KLHL29: variants seen among roughly 807,000 people sequenced by gnomAD.
The protein encoded by KLHL29 is kelch like family member 29, also known as kelch-like protein 29.
Under a neutral mutation model 80.4 loss-of-function variants are expected in KLHL29, and 21 were observed. That is an observed-to-expected ratio of 0.26 (90% CI 0.19 to 0.38). The LOEUF is 0.38. Ranked by LOEUF, KLHL29 falls within the 10% of genes least tolerant of loss-of-function variation. The pLI is 1.00. For missense variants in KLHL29, 867 were observed against 1,223.9 expected (o/e 0.71, Z 4.35); for synonymous variants, 511 against 526.8 (o/e 0.97, Z 0.41).
intron 2 of KLHL29, chr2:23,532,697 G>C (rs573649917): frequency 2.3e-4 from 103 of 455,652 alleles, no homozygotes; most frequent in Middle Eastern, 1.7e-3. Flanking sequence ...GGGTCAGCAT[G>C]GGGGTGGGTG....
Position 23,684,604 on chromosome 2 carries a change from T to G in KLHL29, c.1079+67T>G. 7.2e-7 allele frequency: 1 copy of G among 1,392,422 alleles called. No homozygotes were observed. The highest frequency in any genetic ancestry group is 9.6e-7 in the Non-Finnish European group (1 of 1,042,980). The allele number at this position is 1,392,422 out of a possible 1,614,324, so 86.3% of individuals were successfully genotyped here. A position where few individuals can be genotyped will look rare whatever the true frequency, so the allele number is the denominator to read the frequency against. ...AGGACGCTTTTGTGTCGCTTTTCTC[T>G]TCCCCTCTCTTGCAGGTTCCTGAAG... On this transcript the variant is annotated intron_variant, in intron 6 of 13. Transcript: ENST00000486442. This position sits in a 1 kb window ranked among gnomAD's most constrained non-coding sequence, Gnocchi z 4.4.
intron 5 of KLHL29, among the ~76,000 whole-genome samples, chr2:23,659,832 G>T (rs1334043305): frequency 6.6e-6 from 1 of 151,872 alleles, no homozygotes; most frequent in Non-Finnish European, 1.5e-5. Context: ...CACCCCTCAG[G>T]GTTCCCTGGG....
chr2:23,602,749 C>T (rs984779420), intron 3 of KLHL29, among the ~76,000 whole-genome samples: 2 of 151,960 alleles, frequency 1.3e-5, no homozygotes, highest in Non-Finnish European at 2.9e-5. Flanking sequence ...GCACCACTCC[C>T]GACCTCTACA....
chr2:23,440,024 G>C (rs1404134102), intron 1 of KLHL29, among the ~76,000 whole-genome samples: 4 of 150,994 alleles, frequency 2.6e-5, no homozygotes, highest in African/African-American at 9.8e-5. Context: ...ATTTAGGAGA[G>C]TTAGCTTTTC....
rs1028627870 is a variant in KLHL29, at chr2:23,684,906, C to G, written c.1079+369C>G. Among the ~76,000 whole-genome samples the G allele has an allele frequency of 2.0e-5, 3 of 152,344 alleles. No homozygotes were observed. Among genetic ancestry groups the G allele is most frequent in the African/African-American group, 7.2e-5 (3 of 41,582 alleles). On this transcript the variant is annotated intron_variant, in intron 6 of 13. Transcript: ENST00000486442. The surrounding 1 kb of genome is among the most constrained non-coding windows in gnomAD (Gnocchi z 4.4). ...CTCCATTTTAAGGGATCACTACACA[C>G]TGCCCCCACCGGGCCAGAGCAGGAT... is the stretch of plus-strand genomic sequence containing the variant.
Position 23,385,371 on chromosome 2 carries a change from C to A in KLHL29, c.-563C>A. 1 of 147,060 alleles carries A rather than the reference C, an allele frequency of 6.8e-6. No homozygotes were observed. The highest frequency in any genetic ancestry group is 1.8e-4 in the South Asian group (1 of 5,608). 9.1% of individuals were successfully genotyped at this position (147,060 alleles called of 1,614,324 possible). A position where few individuals can be genotyped will look rare whatever the true frequency, so the allele number is the denominator to read the frequency against. ...TTGAGCGCAGCCCCCGCCCGGAGCCCGAGCCGCGAGCCCGGAGCCAGCCCC... is the reference window on the plus strand; with the variant it reads ...TTGAGCGCAGCCCCCGCCCGGAGCCAGAGCCGCGAGCCCGGAGCCAGCCCC... On this transcript the variant is annotated 5_prime_UTR_variant, in exon 1 of 14. Coordinates refer to ENST00000486442, the MANE Select transcript of KLHL29 (RefSeq NM_052920.2).
chr2:23,656,767 G>A (rs868401823), intron 5 of KLHL29, among the ~76,000 whole-genome samples: 2 of 152,092 alleles, frequency 1.3e-5, no homozygotes, highest in African/African-American at 2.4e-5. Flanking sequence ...CACGGGGTGG[G>A]GCCTGCAGAG....
intron 2 of KLHL29, among the ~76,000 whole-genome samples, chr2:23,540,278 C>T (rs917333032): frequency 5.9e-5 from 9 of 152,238 alleles, no homozygotes; most frequent in Non-Finnish European, 1.3e-4. Context: ...AGCCACTAGC[C>T]AGTATTTGTA....
intron 8 of KLHL29, among the ~76,000 whole-genome samples, 179 bp downstream of exon 8, chr2:23,693,707 G>A (rs1671767063): frequency 6.6e-6 from 1 of 152,194 alleles, no homozygotes; most frequent in Admixed American, 6.5e-5. Context: ...CTCAAGGGCT[G>A]GCATTCCACC....
intron 5 of KLHL29, among the ~76,000 whole-genome samples, chr2:23,650,230 C>T (rs1216884664): frequency 6.6e-6 from 1 of 152,182 alleles, no homozygotes; most frequent in Admixed American, 6.5e-5. Flanking sequence ...CAGGTTAGAG[C>T]CTGCAGGAAA....
chr2:23,495,988 C>A (rs1181606129), intron 2 of KLHL29, among the ~76,000 whole-genome samples: 1 of 152,232 alleles, frequency 6.6e-6, no homozygotes, highest in Non-Finnish European at 1.5e-5. Context: ...TGGCCAGCGC[C>A]GCTCTGCTCC....
chr2:23,581,085 G>T (rs1667968095), intron 3 of KLHL29, among the ~76,000 whole-genome samples: 1 of 140,390 alleles, frequency 7.1e-6, no homozygotes, highest in Non-Finnish European at 1.5e-5. Flanking sequence ...AATTCCTGGA[G>T]GCTTATTTTT....
chr2:23,397,921 C>G (rs530614290), intron 1 of KLHL29, among the ~76,000 whole-genome samples: 1 of 152,220 alleles, frequency 6.6e-6, no homozygotes. Flanking sequence ...TACCACTTCA[C>G]GTCCATTAAC....
chr2:23,549,162 A>AG (rs1667058964), intron 2 of KLHL29, among the ~76,000 whole-genome samples: 1 of 152,222 alleles, frequency 6.6e-6, no homozygotes, highest in Non-Finnish European at 1.5e-5. Flanking sequence ...ACACATCAGG[A>AG]GGGGAGGACC....
intron 3 of KLHL29, among the ~76,000 whole-genome samples, chr2:23,603,999 C>T (rs1446135451): frequency 6.6e-6 from 1 of 152,158 alleles, no homozygotes; most frequent in Non-Finnish European, 1.5e-5. Context: ...GGCCTGGGTA[C>T]TGGGTGCACA....
intron 1 of KLHL29, among the ~76,000 whole-genome samples, chr2:23,407,779 A>T (rs1030042208): frequency 2.6e-5 from 4 of 152,098 alleles, no homozygotes; most frequent in Non-Finnish European, 5.9e-5. Context: ...TTTTGCTATA[A>T]AATATGATCG....
Position 23,706,907 on chromosome 2 carries a change from T to C in KLHL29, c.*243T>C. 2.3e-6 allele frequency: 1 copy of C among 431,824 alleles called. No individual in the cohort carries two copies. Among genetic ancestry groups the C allele is most frequent in the Admixed American group, 4.3e-5 (1 of 23,022 alleles). The allele number at this position is 431,824 out of a possible 1,614,324, so 26.7% of individuals were successfully genotyped here. On this transcript the variant is annotated 3_prime_UTR_variant, in exon 14 of 14. Coordinates refer to ENST00000486442, the MANE Select transcript of KLHL29 (RefSeq NM_052920.2). ...TCCCGCCATGGGGCTGGCTGCCTCC[T>C]GAACAGGGGCGCTCGCTCTGCCAGG...
intron 1 of KLHL29, among the ~76,000 whole-genome samples, chr2:23,433,796 G>A (rs1395672718): frequency 2.0e-5 from 3 of 152,148 alleles, no homozygotes; most frequent in Non-Finnish European, 4.4e-5. Flanking sequence ...GTGCACACCT[G>A]TAGTCCGAGC....
At position 23,700,126 on chromosome 2, in the gene KLHL29, G is replaced by GTCTC. The variant is rs1202593544; in HGVS notation, c.2106-3058_2106-3055dup. Among the ~76,000 whole-genome samples, 6 of 152,024 alleles carry GTCTC rather than the reference G, an allele frequency of 3.9e-5. No individual in the cohort carries two copies. In the South Asian group the frequency reaches 1.2e-3, roughly 32 times the overall value. ...GAAGCCTTCCATCATCAGCACTCCC[G>GTCTC]TCTCTTTCATACACATTTAATCTTT... On this transcript the variant is annotated intron_variant, in intron 11 of 13. Coordinates refer to ENST00000486442, the MANE Select transcript of KLHL29 (RefSeq NM_052920.2). The surrounding 1 kb of genome is among the most constrained non-coding windows in gnomAD (Gnocchi z 4.6).
Sources: gnomAD v4.1 joint callset for allele counts (sites outside exome capture counted in the v4.1 genomes callset) on GRCh38, gnomAD v4.1.1 for gene constraint, Gnocchi (gnomAD v3.1) non-coding constraint, MANE v1.5 for transcripts, NCBI Gene and HGNC (gene_info 2026-07-23, HGNC 2026-07-21) for gene names.